The following TLR8 variants were observed in gnomAD, a reference collection of about 807,000 sequenced individuals.
The protein encoded by TLR8 is toll like receptor 8.
TLR8 carries 5 observed loss-of-function variants against 18.5 expected under a neutral mutation model. The ratio of observed to expected loss-of-function variants is 0.27; its 90% CI spans 0.14 to 0.57. TLR8 has a LOEUF of 0.57. TLR8 is among the 20% of genes least tolerant of loss of function. The probability of loss-of-function intolerance (pLI) is 0.92; values close to 1 mark genes in which losing one functional copy is unlikely to be tolerated. For synonymous variants in TLR8, 299 were observed against 300.1 expected (o/e 1.00, Z 0.04); for missense variants, 543 against 769.8 (o/e 0.71, Z 3.49).
chrX:12,910,996 T>C (rs1335120609), intron 1 of TLR8, among the ~76,000 whole-genome samples: 1 of 110,631 alleles, frequency 9.0e-6, no homozygotes, highest in Non-Finnish European at 1.9e-5. Context: ...AGAAGTGGGT[T>C]TTGCTTTTCA....
chrX:12,915,675 C>G (rs899879309), intron 1 of TLR8, among the ~76,000 whole-genome samples: 11 of 112,594 alleles, frequency 9.8e-5, no homozygotes, highest in African/African-American at 3.6e-4. Context: ...AACATGAAAG[C>G]TGATGTGCCT....
rs1490386728 is a variant in TLR8, at chrX:12,919,653, T to C, written c.613T>C (p.Leu205=). ...GVFETLTNLE[L]LSLSFNSLSH... ...ATTTGAAACGCTGACAAATTTGGAGTTGCTATCACTATCTTTCAATTCTCT... is the reference window on the plus strand; with the variant it reads ...ATTTGAAACGCTGACAAATTTGGAGCTGCTATCACTATCTTTCAATTCTCT... The change falls in exon 2 of 2, where the codon TTG becomes CTG. Residue 205 remains leucine, a synonymous_variant. Coordinates refer to ENST00000218032, the MANE Select transcript of TLR8 (RefSeq NM_138636.5). 1.7e-6 allele frequency: 2 copies of C among 1,211,164 alleles called. No homozygotes were observed. The highest frequency in any genetic ancestry group is 2.2e-6 in the Non-Finnish European group (2 of 895,308).
chrX:12,911,133 C>G (rs1037994484), intron 1 of TLR8, among the ~76,000 whole-genome samples: 6 of 111,489 alleles, frequency 5.4e-5, no homozygotes, highest in African/African-American at 2.0e-4. Context: ...GCAGCTTGAA[C>G]TTGTCTCAGC....
In TLR8 at chrX:12,922,012, G is replaced by A. The variant is rs2043099221; in HGVS notation, c.2972G>A (p.Arg991Lys). The A allele has an allele frequency of 1.7e-6, 2 of 1,209,993 alleles. No individual in the cohort carries two copies. Among genetic ancestry groups the A allele is most frequent in the African/African-American group, 3.5e-5 (2 of 57,090 alleles). ...EPVLQHSQYLRLRQRICKSSI... is the reference protein window; with the variant it reads ...EPVLQHSQYLKLRQRICKSSI... Reference sequence around the variant, plus strand: ...GTGTTACAGCATTCTCAGTATTTGAGGCTACGGCAGCGGATCTGTAAGAGC... The same window carrying A: ...GTGTTACAGCATTCTCAGTATTTGAAGCTACGGCAGCGGATCTGTAAGAGC... The change falls in exon 2 of 2, where the codon AGG becomes AAG. Residue 991 changes from arginine (R) to lysine (K), a missense_variant. Physicochemically the swap from Arg to Lys is conservative, Grantham distance 26 (BLOSUM62 2). This residue lies in a region of TLR8 where 227 missense variants were observed against 312.9 expected (regional missense o/e 0.73). Transcript: ENST00000218032.
At chrX:12,917,830 G>A (rs1198160309) in intron 1 of TLR8, among the ~76,000 whole-genome samples, 1 of 112,423 alleles carries the variant, frequency 8.9e-6, no homozygotes, top group Non-Finnish European at 1.9e-5. Flanking sequence ...CATATGAGTA[G>A]TAATTATTCC....
intron 1 of TLR8, among the ~76,000 whole-genome samples, chrX:12,913,984 T>C (rs1307733310): frequency 8.9e-6 from 1 of 112,437 alleles, no homozygotes; most frequent in African/African-American, 3.2e-5. Flanking sequence ...AATTTTTCTA[T>C]TGGGTTATTT....
At chrX:12,913,137 A>G (rs1354206696) in intron 1 of TLR8, among the ~76,000 whole-genome samples, 1 of 112,372 alleles carries the variant, frequency 8.9e-6, no homozygotes, top group African/African-American at 3.2e-5. Flanking sequence ...GTTAAAAATT[A>G]TAATAAGGAC....
At chrX:12,914,115 T>C (rs1478735923) in intron 1 of TLR8, among the ~76,000 whole-genome samples, 6 of 111,771 alleles carry the variant, frequency 5.4e-5, no homozygotes, top group African/African-American at 1.3e-4. Flanking sequence ...AGAGTTAGTA[T>C]GTGATACAGG....
At position 12,919,362 on chromosome X, in the gene TLR8, G is replaced by A. The variant is rs1281012171; in HGVS notation, c.322G>A (p.Gly108Ser). The change falls in exon 2 of 2, where the codon GGT becomes AGT. Residue 108 changes from glycine to serine, a missense_variant. This residue lies in a region of TLR8 where 117 missense variants were observed against 111.0 expected (regional missense o/e 1.05). Coordinates refer to ENST00000218032, the MANE Select transcript of TLR8 (RefSeq NM_138636.5). Reference sequence around the variant, plus strand: ...TGTACAGCACCAGAACGGAAATCCCGGTATACAATCAAATGGCTTGAATAT... The same window carrying A: ...TGTACAGCACCAGAACGGAAATCCCAGTATACAATCAAATGGCTTGAATAT... ...PNVQHQNGNPGIQSNGLNITD... is the reference protein window; with the variant it reads ...PNVQHQNGNPSIQSNGLNITD... The A allele has an allele frequency of 2.3e-5, 28 of 1,209,490 alleles. No individual in the cohort carries two copies. Among genetic ancestry groups the A allele is most frequent in the East Asian group, 3.0e-5 (1 of 33,802 alleles).
chrX:12,921,260 C>G lies in TLR8; in HGVS notation c.2220C>G (p.His740Gln). 2 of 1,211,675 alleles carry G rather than the reference C, an allele frequency of 1.7e-6. No individual in the cohort carries two copies. The highest frequency in any genetic ancestry group is 2.2e-6 in the Non-Finnish European group (2 of 895,447). ...GFLSEVSSLK[H>Q]LDLSSNLLKT... ...TTTCTGAAGTCAGTAGTCTGAAGCA[C>G]CTCGATTTAAGTTCCAATCTGCTAA... Residue 740 changes from histidine (H) to glutamine (Q), a missense_variant, in exon 2 of 2, where the codon CAC becomes CAG. Coordinates refer to ENST00000218032, the MANE Select transcript of TLR8 (RefSeq NM_138636.5).
Position 12,920,224 on chromosome X carries a change from A to C in TLR8, c.1184A>C (p.Asn395Thr), listed in dbSNP as rs759129997. 3.3e-6 allele frequency: 4 copies of C among 1,206,768 alleles called. No individual in the cohort carries two copies. In the Admixed American group the frequency reaches 8.8e-5, roughly 27 times the overall value. The change falls in exon 2 of 2, where the codon AAC becomes ACC. Residue 395 changes from asparagine (N) to threonine (T), a missense_variant. Coordinates refer to ENST00000218032, the MANE Select transcript of TLR8 (RefSeq NM_138636.5). ...TTCCAGCCCCTGATGCAGCTTCCAA[A>C]CTTATCGACTATCAACTTGGGTATT... ...DDFQPLMQLPNLSTINLGINF... is the reference protein window; with the variant it reads ...DDFQPLMQLPTLSTINLGINF...
chrX:12,920,455 G>T lies in TLR8; in HGVS notation c.1415G>T (p.Arg472Leu). 8.3e-7 allele frequency: 1 copy of T among 1,210,515 alleles called. No individual in the cohort carries two copies. Among genetic ancestry groups the T allele is most frequent in the South Asian group, 1.8e-5 (1 of 56,626 alleles). ...CATTCGAACTTTTATCATTTCACCC[G>T]TCCTTTAATAAAGCCACAATGTGCT... ...DPHSNFYHFTRPLIKPQCAAY... is the reference protein window; with the variant it reads ...DPHSNFYHFTLPLIKPQCAAY... Residue 472 changes from arginine (R) to leucine (L), a missense_variant, in exon 2 of 2, where the codon CGT (arginine) becomes CTT (leucine). Arg to Leu is a moderately radical substitution (Grantham distance 102). Transcript: ENST00000218032.
rs752588455 is a variant in TLR8, at chrX:12,922,167, C to A, written c.*1C>A. On this transcript the variant is annotated 3_prime_UTR_variant, in exon 2 of 2. Coordinates refer to ENST00000218032, the MANE Select transcript of TLR8 (RefSeq NM_138636.5). ...TGTCGATTCCATTAAGCAATACTAA[C>A]TGACGTTAAGTCATGATTTCGCGCC... 17 of 1,184,331 alleles carry A rather than the reference C, an allele frequency of 1.4e-5. No individual in the cohort carries two copies. The highest frequency in any genetic ancestry group is 1.8e-5 in the Non-Finnish European group (16 of 880,966).
chrX:12,915,701 C>T (rs1297865840), intron 1 of TLR8, among the ~76,000 whole-genome samples: 1 of 112,370 alleles, frequency 8.9e-6, no homozygotes, highest in Admixed American at 9.4e-5. Context: ...TAGACCCACA[C>T]CATATCTCTC....
At chrX:12,908,259 T>C (rs1180335344) in intron 1 of TLR8, 3 of 111,888 alleles carry the variant, frequency 2.7e-5, no homozygotes, top group Non-Finnish European at 3.8e-5. Context: ...GAGAATCGCT[T>C]GAGCCCATGA....
At position 12,922,061 on chromosome X, in the gene TLR8, C is replaced by T. The variant is rs1485421898; in HGVS notation, c.3021C>T (p.Asn1007=). Reference sequence around the variant, plus strand: ...GCTCCATCCTCCAGTGGCCTGACAACCCGAAGGCAGAAGGCTTGTTTTGGC... The same window carrying T: ...GCTCCATCCTCCAGTGGCCTGACAATCCGAAGGCAGAAGGCTTGTTTTGGC... ...CKSSILQWPD[N]PKAEGLFWQT... is the part of the protein sequence containing the mutation. Residue 1007 remains asparagine, a synonymous_variant, in exon 2 of 2, where the codon AAC becomes AAT. Transcript: ENST00000218032. The T allele has an allele frequency of 5.8e-6, 7 of 1,211,513 alleles. No homozygotes were observed. The South Asian group carries it at 7.0e-5, about 12-fold the overall frequency.
chrX:12,913,647 A>T (rs747665664), intron 1 of TLR8, among the ~76,000 whole-genome samples: 9 of 112,729 alleles, frequency 8.0e-5, no homozygotes, highest in Admixed American at 9.4e-5. Context: ...CAGCCTTTGC[A>T]ATGAACATCC....
intron 1 of TLR8, among the ~76,000 whole-genome samples, chrX:12,917,278 A>G (rs758470177): frequency 2.8e-4 from 31 of 112,389 alleles, no homozygotes; most frequent in Non-Finnish European, 5.4e-4. Flanking sequence ...GAAAATAACT[A>G]CTAGCAACTG....
intron 1 of TLR8, among the ~76,000 whole-genome samples, chrX:12,910,741 G>C (rs1056889721): frequency 2.7e-5 from 3 of 112,250 alleles, no homozygotes; most frequent in African/African-American, 9.7e-5. Context: ...AATTTCAGAA[G>C]AAAGATTTGG....
Sources: allele counts gnomAD v4.1 joint callset (sites outside exome capture counted in the v4.1 genomes callset), GRCh38; gene constraint gnomAD v4.1.1; regional missense constraint gnomAD v4.1.1; transcripts MANE v1.5; gene names NCBI Gene and HGNC (gene_info 2026-07-23, HGNC 2026-07-21).